The following CRACDL variants were observed in gnomAD, a reference collection of about 807,000 sequenced individuals.
CRACDL encodes the protein CRACD like.
CRACDL carries 26 observed loss-of-function variants against 70.6 expected under a neutral mutation model. The ratio of observed to expected loss-of-function variants is 0.37; its 90% CI spans 0.27 to 0.51. The LOEUF (loss-of-function observed/expected upper bound fraction) is 0.51, where lower values mean the gene tolerates loss of function less well. CRACDL is among the 20% of genes least tolerant of loss of function. CRACDL has a pLI of 0.94. For synonymous variants in CRACDL, 618 were observed against 615.2 expected, an observed-to-expected ratio of 1.00 and a Z score of -0.07; for missense variants, 1,283 against 1,376.9, an observed-to-expected ratio of 0.93 and a Z score of 1.08.
chr2:98,927,689 G>A (rs1470026955), intron 1 of CRACDL, among the ~76,000 whole-genome samples: 1 of 152,150 alleles, frequency 6.6e-6, no homozygotes, highest in Non-Finnish European at 1.5e-5. Context: ...AAATGGACAA[G>A]GATGTCTATT....
At position 98,821,944 on chromosome 2, in the gene CRACDL, G is replaced by A; in HGVS notation, c.2329C>T (p.Pro777Ser). The stretch of plus-strand genomic sequence containing the variant: ...CCCGGGCCGGCGTCGGGGGGCGCGG[G>A]CTGGTGCGGGAGCGTGAAGCTCTGC... ...LLQSFTLPHQ[P>S]APPDAGPGER... Residue 777 changes from proline (P) to serine (S), a missense_variant, in exon 7 of 10, where the codon CCC becomes TCC. By Grantham distance (74) the Pro-to-Ser change is moderately conservative. This residue lies in a region of CRACDL where 921 missense variants were observed against 881.9 expected (regional missense o/e 1.04). Coordinates refer to ENST00000397899, the MANE Select transcript of CRACDL (RefSeq NM_207362.3). The A allele has an allele frequency of 1.3e-6, 2 of 1,556,858 alleles. No homozygotes were observed. Among genetic ancestry groups the A allele is most frequent in the Admixed American group, 2.0e-5 (1 of 50,242 alleles).
chr2:98,910,345 C>T (rs557177273), intron 1 of CRACDL, among the ~76,000 whole-genome samples: 1 of 151,936 alleles, frequency 6.6e-6, no homozygotes, highest in African/African-American at 2.4e-5. Flanking sequence ...CGTGGTGAAA[C>T]CCCGTCTCTA....
chr2:98,874,485 C>T (rs1336763440), intron 1 of CRACDL, among the ~76,000 whole-genome samples: 5 of 152,202 alleles, frequency 3.3e-5, no homozygotes, highest in Non-Finnish European at 5.9e-5. Flanking sequence ...TTGCACCTTG[C>T]GCCTCGTGGG....
At chr2:98,826,909 G>GT (rs1288885558) in intron 6 of CRACDL, 66 bp downstream of exon 6, 4 of 1,288,900 alleles carry the variant, frequency 3.1e-6, no homozygotes, top group Admixed American at 1.9e-5. Context: ...GGCAGGTTGG[G>GT]GGGGGGCATA....
rs1192412626 is a variant in CRACDL at position 98,920,644 on chromosome 2, C to T, written c.-11+15294G>A. ...CCCTCTCCCAGCTGGAAAAGCCTCC[C>T]CATACTTCCCTGCCTGTGGAAACGG... On this transcript the variant is annotated intron_variant, in intron 1 of 9. Transcript: ENST00000397899. Among the ~76,000 whole-genome samples the T allele has an allele frequency of 2.6e-5, 4 of 152,264 alleles. No individual in the cohort carries two copies. The South Asian group carries it at 8.3e-4, about 32-fold the overall frequency.
At chr2:98,869,446 G>C (rs1353187007) in intron 1 of CRACDL, 2 of 323,296 alleles carry the variant, frequency 6.2e-6, no homozygotes, top group Non-Finnish European at 5.6e-6. Flanking sequence ...GGCTCTGTAG[G>C]GAGTTGGACT....
intron 7 of CRACDL, among the ~76,000 whole-genome samples, chr2:98,808,403 C>T: frequency 6.6e-6 from 1 of 152,178 alleles, no homozygotes; most frequent in East Asian, 1.9e-4. Flanking sequence ...TTGCAGCCAG[C>T]TTTGCCAACC....
At chr2:98,905,834 C>T (rs1708397701) in intron 1 of CRACDL, among the ~76,000 whole-genome samples, 1 of 152,164 alleles carries the variant, frequency 6.6e-6, no homozygotes, top group African/African-American at 2.4e-5. Flanking sequence ...CCAGGCTGGT[C>T]TCGAACTCCT....
chr2:98,898,300 G>A (rs775257887), intron 1 of CRACDL, among the ~76,000 whole-genome samples: 7 of 152,258 alleles, frequency 4.6e-5, no homozygotes, highest in Non-Finnish European at 1.0e-4. Flanking sequence ...TATGCAATGT[G>A]GGGGCCTCAG....
intron 5 of CRACDL, among the ~76,000 whole-genome samples, chr2:98,829,535 G>T (rs1234090955): frequency 6.6e-6 from 1 of 152,160 alleles, no homozygotes; most frequent in Non-Finnish European, 1.5e-5. Flanking sequence ...TCATGGGAGG[G>T]CTGGCAGCAT....
rs947481127 is a variant in CRACDL at position 98,826,877 on chromosome 2, G to A, written c.735+98C>T. ...ACTGTGGGGTGCTCAGAGGGGGCAT[G>A]AGACCCTGTGTGGGGGAGTGAGGCA... On this transcript the variant is annotated intron_variant, in intron 6 of 9. Coordinates refer to ENST00000397899, the MANE Select transcript of CRACDL (RefSeq NM_207362.3). The A allele has an allele frequency of 4.6e-5, 37 of 812,064 alleles. No individual in the cohort carries two copies. The African/African-American group carries it at 5.8e-4, about 13-fold the overall frequency. 50.3% of individuals were successfully genotyped at this position (812,064 alleles called of 1,614,324 possible).
At chr2:98,889,325 AAGAAAG>A (rs1444482323) in intron 1 of CRACDL, among the ~76,000 whole-genome samples, 1 of 149,038 alleles carries the variant, frequency 6.7e-6, no homozygotes, top group Non-Finnish European at 1.5e-5. Flanking sequence ...GAAAGAAAGA[AAGAAAG>A]AAAGAAAGAA....
At chr2:98,889,287 G>GAA (rs1432954183) in intron 1 of CRACDL, among the ~76,000 whole-genome samples, 8 of 21,514 alleles carry the variant, frequency 3.7e-4, no homozygotes, top group East Asian at 3.2e-3. Flanking sequence ...AAAAGAGAGA[G>GAA]AAAGAAAGAA....
At chr2:98,842,075 T>G (rs1706053167) in intron 2 of CRACDL, among the ~76,000 whole-genome samples, 4 of 152,138 alleles carry the variant, frequency 2.6e-5, no homozygotes, top group Admixed American at 2.6e-4. Flanking sequence ...CTTAAACCTG[T>G]GGGTTGGGTC....
chr2:98,819,215 A>C (rs901738839), intron 7 of CRACDL, among the ~76,000 whole-genome samples: 7 of 152,234 alleles, frequency 4.6e-5, no homozygotes, highest in Non-Finnish European at 1.0e-4. Flanking sequence ...TAGGTTGAGA[A>C]ACTTACATAT....
At chr2:98,903,033 TGCACAGCA>T (rs1708319768) in intron 1 of CRACDL, among the ~76,000 whole-genome samples, 1 of 152,054 alleles carries the variant, frequency 6.6e-6, no homozygotes, top group Admixed American at 6.5e-5. Context: ...CTCTCCCAAC[TGCACAGCA>T]GCAGGCGGGG....
intron 5 of CRACDL, among the ~76,000 whole-genome samples, chr2:98,830,889 T>G (rs1705513771): frequency 6.6e-6 from 1 of 152,048 alleles, no homozygotes; most frequent in African/African-American, 2.4e-5. Flanking sequence ...GCTGTGAGAG[T>G]CAGAGACCTG....
chr2:98,807,565 G>A (rs559381217), intron 7 of CRACDL, among the ~76,000 whole-genome samples: 14 of 152,374 alleles, frequency 9.2e-5, no homozygotes, highest in South Asian at 4.1e-4. Flanking sequence ...ACTGTGGAGC[G>A]TGGGCTGCAG....
chr2:98,918,965 T>C (rs1177986842), intron 1 of CRACDL, among the ~76,000 whole-genome samples: 1 of 152,256 alleles, frequency 6.6e-6, no homozygotes, highest in African/African-American at 2.4e-5. Context: ...TTTGTTTTTG[T>C]TGGATGTACT....
Sources: allele counts gnomAD v4.1 joint callset (sites outside exome capture counted in the v4.1 genomes callset), GRCh38; gene constraint gnomAD v4.1.1; regional missense constraint gnomAD v4.1.1; transcripts MANE v1.5; gene names NCBI Gene and HGNC (gene_info 2026-07-23, HGNC 2026-07-21).